NR3C2: variants seen among roughly 807,000 people sequenced by gnomAD.
NR3C2 encodes the protein nuclear receptor subfamily 3 group C member 2, also known as mineralocorticoid receptor.
NR3C2 carries 15 observed loss-of-function variants against 86.4 expected under a neutral mutation model. The observed-to-expected ratio is 0.17, with a 90% confidence interval of 0.12 to 0.27. NR3C2 has a LOEUF of 0.27. Ranked by LOEUF, NR3C2 falls within the 10% of genes least tolerant of loss-of-function variation. NR3C2 has a pLI of 1.00. For missense variants in NR3C2, 960 were observed against 1,195.6 expected (o/e 0.80, Z 2.91); for synonymous variants, 458 against 450.5 (o/e 1.02, Z -0.21).
At chr4:148,290,581 A>C (rs1269807451) in intron 2 of NR3C2, among the ~76,000 whole-genome samples, 2 of 152,192 alleles carry the variant, frequency 1.3e-5, no homozygotes, top group Non-Finnish European at 1.5e-5. Flanking sequence ...GGAAAAAACA[A>C]CTTTATTACA....
intron 2 of NR3C2, among the ~76,000 whole-genome samples, chr4:148,329,525 T>C (rs550870137): frequency 6.6e-6 from 1 of 152,294 alleles, no homozygotes; most frequent in Admixed American, 6.5e-5. Flanking sequence ...TCACTGCCCT[T>C]TTTTCCACAG....
intron 2 of NR3C2, among the ~76,000 whole-genome samples, chr4:148,303,874 C>T (rs888925776): frequency 2.0e-5 from 3 of 152,156 alleles, no homozygotes; most frequent in Admixed American, 6.6e-5. Context: ...TGGGTATGAG[C>T]GGATATTTCC....
chr4:148,355,868 A>G (rs1390165250), intron 2 of NR3C2, among the ~76,000 whole-genome samples: 2 of 152,154 alleles, frequency 1.3e-5, no homozygotes, highest in Non-Finnish European at 2.9e-5. Context: ...CACATCCTGG[A>G]CCTGCTACCT....
chr4:148,124,266 AAAG>A (rs1560933650), intron 6 of NR3C2, among the ~76,000 whole-genome samples: 1 of 145,136 alleles, frequency 6.9e-6, no homozygotes, highest in Non-Finnish European at 1.5e-5. Context: ...AAACCAAACC[AAAG>A]TTCATGTCTC....
chr4:148,088,407 C>T (rs1177195519), intron 8 of NR3C2, among the ~76,000 whole-genome samples: 3 of 152,164 alleles, frequency 2.0e-5, no homozygotes, highest in Admixed American at 6.5e-5. Flanking sequence ...TATAAAGACA[C>T]ATGCAGAGGT....
chr4:148,317,440 C>T (rs1229689692), intron 2 of NR3C2, among the ~76,000 whole-genome samples: 1 of 151,792 alleles, frequency 6.6e-6, no homozygotes, highest in South Asian at 2.1e-4. Flanking sequence ...AAGACAATGC[C>T]ATTTTGTTTT....
chr4:148,110,869 A>G (rs760072448), intron 8 of NR3C2, among the ~76,000 whole-genome samples: 11 of 152,188 alleles, frequency 7.2e-5, no homozygotes, highest in Non-Finnish European at 1.2e-4. Flanking sequence ...GACACAGGCT[A>G]TCAGTGAAGG....
At chr4:148,200,822 T>C (rs1450967638) in intron 3 of NR3C2, among the ~76,000 whole-genome samples, 1 of 152,208 alleles carries the variant, frequency 6.6e-6, no homozygotes, top group Non-Finnish European at 1.5e-5. Context: ...CATGTACTAC[T>C]GCATATTATC....
intron 1 of NR3C2, among the ~76,000 whole-genome samples, chr4:148,439,959 ACCTTGAACT>A: frequency 6.6e-6 from 1 of 152,348 alleles, no homozygotes; most frequent in South Asian, 2.1e-4. Flanking sequence ...TGTTTGGCTA[ACCTTGAACT>A]CCCTTAATAA....
intron 1 of NR3C2, among the ~76,000 whole-genome samples, chr4:148,438,486 A>C (rs1750182497): frequency 6.6e-6 from 1 of 152,170 alleles, no homozygotes. Flanking sequence ...TCTATGGCCC[A>C]AAAAAAGTCC....
chr4:148,410,642 A>G (rs1053709092), intron 2 of NR3C2, among the ~76,000 whole-genome samples: 4 of 152,164 alleles, frequency 2.6e-5, no homozygotes, highest in South Asian at 2.1e-4. Flanking sequence ...ACCTTTCACT[A>G]TAACTCAAAG....
intron 6 of NR3C2, among the ~76,000 whole-genome samples, chr4:148,133,027 C>G (rs374093001): frequency 1.3e-5 from 2 of 151,790 alleles, no homozygotes; most frequent in South Asian, 4.2e-4. Context: ...AGTAGGACTC[C>G]GTCTCTATTA....
chr4:148,359,848 C>T (rs540966596), intron 2 of NR3C2, among the ~76,000 whole-genome samples: 1 of 152,250 alleles, frequency 6.6e-6, no homozygotes, highest in Admixed American at 6.5e-5. Context: ...TACAGGAGAG[C>T]TAAATCTTTA....
chr4:148,117,863 A>G (rs1732341712), intron 7 of NR3C2, among the ~76,000 whole-genome samples: 2 of 152,128 alleles, frequency 1.3e-5, no homozygotes, highest in Admixed American at 6.6e-5. Context: ...CCTCTGTTTC[A>G]GGGGCCCATG....
intron 3 of NR3C2, among the ~76,000 whole-genome samples, chr4:148,228,457 G>A (rs6850597): frequency 0.91 from 138,105 of 152,200 alleles, 64,083 homozygotes; most frequent in East Asian, 1. Context: ...CTAATATTTT[G>A]CAATAAAAAA....
At chr4:148,088,265 T>C (rs1730906542) in intron 8 of NR3C2, among the ~76,000 whole-genome samples, 1 of 152,246 alleles carries the variant, frequency 6.6e-6, no homozygotes, top group Non-Finnish European at 1.5e-5. Context: ...ATACTGTTTG[T>C]GGGAGTGCAA....
At chr4:148,354,422 C>A (rs1745449831) in intron 2 of NR3C2, among the ~76,000 whole-genome samples, 2 of 152,064 alleles carry the variant, frequency 1.3e-5, no homozygotes, top group Non-Finnish European at 2.9e-5. Context: ...TTCTATGGTG[C>A]CGGGTTGTCA....
rs912974762 is a variant in NR3C2 at position 148,152,141 on chromosome 4, C to T, written c.2510+328G>A. On this transcript the variant is annotated intron_variant, in intron 6 of 8. Coordinates refer to ENST00000358102, the MANE Select transcript of NR3C2 (RefSeq NM_000901.5). ...ATTAGATTGTCTTCCCAATTGGAGT[C>T]GATACCAAAAGAGACTGTTTTCTAT... 1.3e-4 allele frequency among the ~76,000 whole-genome samples: 20 copies of T among 152,118 alleles called. 1 individual carries two copies. Among genetic ancestry groups the T allele is most frequent in the Admixed American group, 9.2e-4 (14 of 15,282 alleles).
At chr4:148,292,460 T>C (rs1301937518) in intron 2 of NR3C2, among the ~76,000 whole-genome samples, 1 of 152,092 alleles carries the variant, frequency 6.6e-6, no homozygotes, top group Non-Finnish European at 1.5e-5. Flanking sequence ...TTATGATATA[T>C]AACACATATT....
Sources: gnomAD v4.1 joint callset for allele counts (sites outside exome capture counted in the v4.1 genomes callset) on GRCh38, gnomAD v4.1.1 for gene constraint, MANE v1.5 for transcripts, NCBI Gene and HGNC (gene_info 2026-07-23, HGNC 2026-07-21) for gene names.